The following PKHD1 variants were observed in gnomAD, a reference collection of about 807,000 sequenced individuals.
PKHD1 encodes PKHD1 ciliary IPT domain containing fibrocystin/polyductin.
A neutral mutation model predicts 412.0 loss-of-function variants in PKHD1; 291 were observed. The observed-to-expected ratio is 0.71, with a 90% CI of 0.64 to 0.78. The LOEUF is 0.78. Ranked by LOEUF, PKHD1 falls within the 30% of genes least tolerant of loss-of-function variation. The pLI is 0.00. For synonymous variants in PKHD1, 1,777 were observed against 1,821.5 expected (o/e 0.98, Z 0.62); for missense variants, 4,825 against 4,950.7 (o/e 0.97, Z 0.76).
intron 60 of PKHD1, among the ~76,000 whole-genome samples, chr6:51,668,335 GTT>G (rs1774230290): frequency 6.6e-6 from 1 of 152,000 alleles, no homozygotes; most frequent in Non-Finnish European, 1.5e-5. Flanking sequence ...CTCATGATTT[GTT>G]TCTCTGTTTG....
chr6:51,964,047 A>G (rs1005891803), intron 35 of PKHD1, among the ~76,000 whole-genome samples: 3 of 152,082 alleles, frequency 2.0e-5, no homozygotes, highest in African/African-American at 7.2e-5. Flanking sequence ...TCTAGCCCCA[A>G]ATAAACCCCA....
At chr6:51,943,644 C>T (rs557950175) in intron 36 of PKHD1, among the ~76,000 whole-genome samples, 1 of 151,728 alleles carries the variant, frequency 6.6e-6, no homozygotes, top group African/African-American at 2.4e-5. Context: ...AGTTAGATGT[C>T]CTGGATCCTC....
At chr6:51,958,814 TACACACACACACAC>T (rs112637668) in intron 36 of PKHD1, among the ~76,000 whole-genome samples, 1 of 149,540 alleles carries the variant, frequency 6.7e-6, no homozygotes, top group African/African-American at 2.5e-5. Context: ...AGCCACTAGC[TACACACACACACAC>T]ACACACACAC....
chr6:51,783,307 A>G (rs1582664941), intron 53 of PKHD1, among the ~76,000 whole-genome samples: 1 of 150,298 alleles, frequency 6.7e-6, no homozygotes. Context: ...TTAAATATCC[A>G]TTAGGATATG....
chr6:51,632,079 G>A (rs1488627900), intron 65 of PKHD1, among the ~76,000 whole-genome samples: 1 of 151,872 alleles, frequency 6.6e-6, no homozygotes, highest in Non-Finnish European at 1.5e-5. Context: ...GAGTAGCTGG[G>A]ATTACAGGCA....
intron 16 of PKHD1, 139 bp downstream of exon 16, chr6:52,058,184 G>A (rs1808075393): frequency 5.1e-6 from 4 of 780,532 alleles, no homozygotes; most frequent in South Asian, 4.3e-5. Flanking sequence ...TCACAATGCT[G>A]TTAAAGAGAT....
At chr6:51,718,867 G>A (rs763801662) in intron 60 of PKHD1, among the ~76,000 whole-genome samples, 18 of 152,116 alleles carry the variant, frequency 1.2e-4, no homozygotes, top group African/African-American at 1.7e-4. Flanking sequence ...ATCATCATGC[G>A]TTCAGAGTTT....
At chr6:52,052,871 C>T (rs1807086778) in intron 21 of PKHD1, among the ~76,000 whole-genome samples, 1 of 151,986 alleles carries the variant, frequency 6.6e-6, no homozygotes, top group African/African-American at 2.4e-5. Flanking sequence ...AAGAGAAAAT[C>T]GTGGGGAAAA....
chr6:51,895,716 C>T (rs1027720643), intron 43 of PKHD1, among the ~76,000 whole-genome samples: 6 of 152,190 alleles, frequency 3.9e-5, no homozygotes, highest in South Asian at 2.1e-4. Context: ...GTGTGAGCGA[C>T]ACAGAAGACA....
chr6:51,906,540 T>C (rs1156302531), intron 40 of PKHD1, among the ~76,000 whole-genome samples, 200 bp from the exon 41 acceptor site: 1 of 151,226 alleles, frequency 6.6e-6, no homozygotes, highest in Non-Finnish European at 1.5e-5. Flanking sequence ...AGGGTGAAAT[T>C]CAACAATCAA....
chr6:51,834,265 G>A (rs1768787950), intron 51 of PKHD1, among the ~76,000 whole-genome samples: 2 of 152,172 alleles, frequency 1.3e-5, no homozygotes, highest in Non-Finnish European at 2.9e-5. Flanking sequence ...TGTGGAAGAT[G>A]CAGGAAGGGA....
intron 52 of PKHD1, among the ~76,000 whole-genome samples, chr6:51,811,914 G>GA (rs553296448): frequency 1.3e-5 from 2 of 152,024 alleles, no homozygotes; most frequent in Admixed American, 1.3e-4. Flanking sequence ...ATTTTGAACA[G>GA]AAAAAAATTA....
chr6:51,649,265 A>G (rs1246098612), intron 61 of PKHD1, 45 bp from the exon 62 acceptor site: 2 of 1,457,418 alleles, frequency 1.4e-6, no homozygotes, highest in East Asian at 4.5e-5. Flanking sequence ...AGGATTACAC[A>G]TATCCCTATG....
intron 52 of PKHD1, 88 bp from the exon 53 acceptor site, chr6:51,791,461 G>A (rs1793738263): frequency 1.6e-6 from 2 of 1,215,748 alleles, no homozygotes; most frequent in Admixed American, 1.8e-5. Context: ...TTTGGGAGCT[G>A]TGTACAGTGT....
chr6:51,920,087 C>G (rs1211808780), intron 37 of PKHD1, among the ~76,000 whole-genome samples: 2 of 152,238 alleles, frequency 1.3e-5, no homozygotes. Context: ...GACAATTTGA[C>G]TTCCTCTTTT....
chr6:51,826,244 G>GTACTGAATA, intron 52 of PKHD1, among the ~76,000 whole-genome samples: 1 of 152,118 alleles, frequency 6.6e-6, no homozygotes, highest in Admixed American at 6.6e-5. Context: ...GGCATTTAAG[G>GTACTGAATA]TACTGAATAT....
At chr6:51,680,695 T>C (rs1226317435) in intron 60 of PKHD1, among the ~76,000 whole-genome samples, 4 of 152,088 alleles carry the variant, frequency 2.6e-5, no homozygotes. Context: ...CTACCTACAC[T>C]ATAGATTCCC....
chr6:51,807,485 A>ATATATATG (rs765667001), intron 52 of PKHD1, among the ~76,000 whole-genome samples: 7 of 111,794 alleles, frequency 6.3e-5, no homozygotes, highest in African/African-American at 2.7e-4. Context: ...ATATATGTAT[A>ATATATATG]TGTGTGTGTG....
chr6:51,961,713 T>C (rs752463030), intron 35 of PKHD1, among the ~76,000 whole-genome samples: 7 of 151,966 alleles, frequency 4.6e-5, no homozygotes, highest in Non-Finnish European at 8.8e-5. Context: ...AAAACAGAGA[T>C]GGTAAAGTAA....
Sources: gnomAD v4.1 joint callset for allele counts (sites outside exome capture counted in the v4.1 genomes callset) on GRCh38, gnomAD v4.1.1 for gene constraint, MANE v1.5 for transcripts, NCBI Gene and HGNC (gene_info 2026-07-23, HGNC 2026-07-21) for gene names.